Variants in SENP6 observed in about 807,000 individuals in gnomAD.
The protein encoded by SENP6 is sentrin-specific protease 6.
In SENP6, 41 loss-of-function variants were observed where a neutral mutation model predicts 134.5. That is an observed-to-expected ratio of 0.30 (90% confidence interval 0.24 to 0.40). The LOEUF (loss-of-function observed/expected upper bound fraction) is 0.40, where lower values mean the gene tolerates loss of function less well. Among genes scored for constraint, SENP6 ranks in the 10% least tolerant of loss-of-function variants. The pLI, the probability that SENP6 is intolerant of heterozygous loss-of-function variation, is 1.00. For synonymous variants in SENP6, 395 were observed against 429.8 expected (o/e 0.92, Z 1.00); for missense variants, 1,248 against 1,312.5 (o/e 0.95, Z 0.76).
At chr6:75,677,351 A>G (rs1461258064) in intron 14 of SENP6, 95 bp downstream of exon 14, 1 of 851,546 alleles carries the variant, frequency 1.2e-6, no homozygotes, top group Non-Finnish European at 1.8e-6. Flanking sequence ...TCAGTGTTAA[A>G]TCTTTTTAAT....
intron 7 of SENP6, among the ~76,000 whole-genome samples, chr6:75,655,981 G>A (rs899880512): frequency 5.3e-5 from 8 of 152,036 alleles, no homozygotes; most frequent in Non-Finnish European, 1.0e-4. Context: ...CACTTAGGCC[G>A]AGGTGGGTGG....
chr6:75,715,336 A>G (rs746027306), intron 23 of SENP6, 49 bp from the exon 24 acceptor site: 3 of 1,318,684 alleles, frequency 2.3e-6, no homozygotes, highest in Non-Finnish European at 3.2e-6. Context: ...GATTGAAATG[A>G]AAGGTTATTT....
At chr6:75,624,029 A>G (rs1395044977) in intron 3 of SENP6, 69 bp downstream of exon 3, 5 of 1,253,826 alleles carry the variant, frequency 4.0e-6, no homozygotes, top group Non-Finnish European at 5.6e-6. Context: ...CAAAAGATTT[A>G]ATATTTTTAA....
chr6:75,701,652 T>G (rs1775038994), intron 18 of SENP6, among the ~76,000 whole-genome samples: 1 of 144,654 alleles, frequency 6.9e-6, no homozygotes, highest in African/African-American at 2.6e-5. Flanking sequence ...TTTTTTTTTT[T>G]TTTTGGAGAC....
intron 10 of SENP6, among the ~76,000 whole-genome samples, chr6:75,668,223 G>C (rs1772398019): frequency 6.6e-6 from 1 of 152,100 alleles, no homozygotes; most frequent in Non-Finnish European, 1.5e-5. Flanking sequence ...CACCCGGCTG[G>C]ATTAATATTT....
Position 75,623,933 on chromosome 6 carries a change from G to A in SENP6, c.180G>A (p.Glu60=), listed in dbSNP as rs1402822036. Residue 60 remains glutamate (E), a synonymous_variant, in exon 3 of 24, where the codon GAG becomes GAA. Transcript: ENST00000447266. ...ATCTGCTCAGTGTGGATGAAGATGA[G>A]GATTCTGAAACCTCAAAAGGAAAAA... The part of the protein sequence containing the change: ...GTNLLSVDED[E]DSETSKGKKL... 2.5e-6 allele frequency: 4 copies of A among 1,608,456 alleles called. No individual in the cohort carries two copies. The highest frequency in any genetic ancestry group is 1.7e-5 in the Admixed American group (1 of 59,638).
Position 75,677,049 on chromosome 6 carries a change from A to G in SENP6, c.1641A>G (p.Ile547Met), listed in dbSNP as rs375606706. The change falls in exon 14 of 24, where the codon ATA becomes ATG. Residue 547 changes from isoleucine (I) to methionine (M), a missense_variant. Ile to Met is a conservative substitution (Grantham distance 10). This residue lies in a region of SENP6 where 733 missense variants were observed against 725.4 expected (regional missense o/e 1.01). Coordinates refer to ENST00000447266, the MANE Select transcript of SENP6 (RefSeq NM_015571.4). ...NKLTNLEEQY[I>M]ILIFQNGLDP... The stretch of plus-strand genomic sequence containing the variant: ...TTTCAGATTTAGAAGAACAATATAT[A>G]ATTTTAATTTTTCAAAATGGCCTTG... 170 of 1,524,216 alleles carry G rather than the reference A, an allele frequency of 1.1e-4. No individual in the cohort carries two copies. The highest frequency in any genetic ancestry group is 1.4e-4 in the Non-Finnish European group (151 of 1,105,880). The allele number at this position is 1,524,216 out of a possible 1,614,324, so 94.4% of individuals were successfully genotyped here. A position where few individuals can be genotyped will look rare whatever the true frequency, so the allele number is the denominator to read the frequency against.
chr6:75,711,860 AT>A (rs952492080), intron 21 of SENP6, among the ~76,000 whole-genome samples: 3 of 152,086 alleles, frequency 2.0e-5, no homozygotes, highest in Non-Finnish European at 2.9e-5. Flanking sequence ...TTTAGTAGAG[AT>A]GGGGTTTTGC....
intron 16 of SENP6, among the ~76,000 whole-genome samples, chr6:75,684,025 A>G (rs1053058078): frequency 9.2e-5 from 14 of 152,200 alleles, no homozygotes; most frequent in Non-Finnish European, 1.6e-4. Flanking sequence ...CTTCCTATCC[A>G]TGAGAATGGA....
chr6:75,688,919 A>G (rs1057093906), intron 16 of SENP6, among the ~76,000 whole-genome samples: 1 of 152,232 alleles, frequency 6.6e-6, no homozygotes, highest in African/African-American at 2.4e-5. Context: ...ATACAAAATT[A>G]GCCAGGTGTG....
intron 1 of SENP6, among the ~76,000 whole-genome samples, chr6:75,614,727 C>A (rs1767721422): frequency 1.3e-5 from 2 of 152,158 alleles, no homozygotes; most frequent in African/African-American, 4.8e-5. Context: ...AGTGATTTTT[C>A]TCCCTTTACT....
chr6:75,703,032 T>C lies in SENP6; in HGVS notation c.2676T>C (p.Asn892=). The C allele has an allele frequency of 6.2e-7, 1 of 1,611,712 alleles. No individual in the cohort carries two copies. The highest frequency in any genetic ancestry group is 1.1e-5 in the South Asian group (1 of 90,406). The change falls in exon 19 of 24, where the codon AAT becomes AAC. Residue 892 remains asparagine, a synonymous_variant. Transcript: ENST00000447266. ...QKVADRTKSE[N]GLQNESLSST... ...TTGCTGATAGGACTAAAAGTGAGAATGGCCTACAGAATGAAAGTTTAAGTT... is the reference window on the plus strand; with the variant it reads ...TTGCTGATAGGACTAAAAGTGAGAACGGCCTACAGAATGAAAGTTTAAGTT...
At chr6:75,655,326 A>G (rs995957197) in intron 7 of SENP6, 4 of 152,218 alleles carry the variant, frequency 2.6e-5, no homozygotes, top group African/African-American at 9.6e-5. Flanking sequence ...ATTTACTACA[A>G]TGAAATACAT....
intron 5 of SENP6, among the ~76,000 whole-genome samples, chr6:75,636,501 G>A (rs942996379): frequency 6.6e-6 from 1 of 152,136 alleles, no homozygotes. Context: ...GGTGCATAAA[G>A]ATGAATATGA....
intron 7 of SENP6, among the ~76,000 whole-genome samples, chr6:75,655,602 G>C (rs896754956): frequency 2.0e-4 from 31 of 152,192 alleles, no homozygotes; most frequent in African/African-American, 7.5e-4. Flanking sequence ...ATCTTATTTT[G>C]AGACTCATCC....
chr6:75,628,548 A>G (rs1399512164), intron 3 of SENP6, among the ~76,000 whole-genome samples: 3 of 152,136 alleles, frequency 2.0e-5, no homozygotes, highest in Non-Finnish European at 2.9e-5. Flanking sequence ...TATTACCTGA[A>G]TGAAACTTTC....
At chr6:75,655,973 C>T (rs1771295237) in intron 7 of SENP6, among the ~76,000 whole-genome samples, 1 of 151,978 alleles carries the variant, frequency 6.6e-6, no homozygotes, top group Non-Finnish European at 1.5e-5. Flanking sequence ...AATCCCAGCA[C>T]TTAGGCCGAG....
Position 75,697,440 on chromosome 6 carries a change from G to T in SENP6, c.2211G>T (p.Arg737=), listed in dbSNP as rs1774733862. ...ETTNLSIQQK[R]HGRVKTWTRH... ...TTTCTTACAGAATACAGCAAAAACG[G>T]CATGGGAGAGTAAAAACATGGACCC... is the stretch of plus-strand genomic sequence containing the variant. The change falls in exon 18 of 24, where the codon CGG becomes CGT. Residue 737 remains arginine (R), a synonymous_variant. Transcript: ENST00000447266. 4 of 1,611,848 alleles carry T rather than the reference G, an allele frequency of 2.5e-6. No homozygotes were observed. The highest frequency in any genetic ancestry group is 3.4e-6 in the Non-Finnish European group (4 of 1,178,566).
At chr6:75,692,544 T>A (rs952898977) in intron 16 of SENP6, among the ~76,000 whole-genome samples, 1 of 152,136 alleles carries the variant, frequency 6.6e-6, no homozygotes, top group Non-Finnish European at 1.5e-5. Flanking sequence ...AGGGATCACT[T>A]GAGCCCAGGA....
Sources: gnomAD v4.1 joint callset for allele counts (sites outside exome capture counted in the v4.1 genomes callset) on GRCh38, gnomAD v4.1.1 for gene constraint, gnomAD v4.1.1 regional missense constraint, MANE v1.5 for transcripts, NCBI Gene and HGNC (gene_info 2026-07-23, HGNC 2026-07-21) for gene names.